The following INTS6L variants were observed in gnomAD, a reference collection of about 807,000 sequenced individuals.
INTS6L encodes the protein integrator complex subunit 6-like.
In INTS6L, 18 loss-of-function variants were observed where a neutral mutation model predicts 64.7. That is an observed-to-expected ratio of 0.28 (90% confidence interval 0.19 to 0.41). The LOEUF is 0.41. Among genes scored for constraint, INTS6L ranks in the 10% least tolerant of loss-of-function variants. The probability of loss-of-function intolerance (pLI) is 1.00; values close to 1 mark genes in which losing one functional copy is unlikely to be tolerated. For missense variants in INTS6L, 533 were observed against 661.0 expected (o/e 0.81, Z 2.12); for synonymous variants, 227 against 235.9 (o/e 0.96, Z 0.34).
chrX:135,581,386 G>C (rs2087367160), intron 17 of INTS6L, 142 bp from the exon 18 acceptor site: 1 of 511,495 alleles, frequency 2.0e-6, no homozygotes, highest in Non-Finnish European at 3.2e-6. Context: ...ATTGGTACTT[G>C]CTCTAAGACA....
In INTS6L at chrX:135,579,869, C is replaced by T; in HGVS notation, c.2201C>T (p.Ala734Val). Reference protein sequence around the residue: ...ITPDGFLSKSAPSELINMTGD... With the variant: ...ITPDGFLSKSVPSELINMTGD... The stretch of plus-strand genomic sequence containing the variant: ...CCTGATGGCTTCCTGTCAAAATCTG[C>T]TCCATCAGAGCTTATAAATATGACA... Residue 734 changes from alanine to valine, a missense_variant, in exon 16 of 18, where the codon GCT (alanine) becomes GTT (valine). Transcript: ENST00000639893. The T allele has an allele frequency of 8.3e-7, 1 of 1,211,125 alleles. No individual in the cohort carries two copies. The highest frequency in any genetic ancestry group is 1.1e-6 in the Non-Finnish European group (1 of 895,121).
chrX:135,546,228 T>C, intron 3 of INTS6L, 152 bp from the exon 4 acceptor site: 1 of 345,480 alleles, frequency 2.9e-6, no homozygotes, highest in Non-Finnish European at 5.0e-6. Flanking sequence ...GTTATTTTTA[T>C]TCCTACCCAT....
intron 9 of INTS6L, among the ~76,000 whole-genome samples, chrX:135,565,605 A>G (rs1258652174): frequency 9.0e-6 from 1 of 111,549 alleles, no homozygotes; most frequent in Non-Finnish European, 1.9e-5. Context: ...AGCCTATAAC[A>G]CTAAGACTCC....
At chrX:135,537,321 G>A (rs782166792) in intron 2 of INTS6L, among the ~76,000 whole-genome samples, 5 of 112,296 alleles carry the variant, frequency 4.5e-5, no homozygotes. Context: ...ACTTAAACCC[G>A]ATCTGAATTA....
chrX:135,528,453 C>T (rs2085801627), intron 2 of INTS6L, among the ~76,000 whole-genome samples: 1 of 111,128 alleles, frequency 9.0e-6, no homozygotes, highest in Non-Finnish European at 1.9e-5. Context: ...GTAAAGGCTC[C>T]GGCAGAGAGG....
intron 12 of INTS6L, 137 bp downstream of exon 12, chrX:135,573,170 G>T (rs974896422): frequency 9.7e-5 from 50 of 518,131 alleles, no homozygotes; most frequent in South Asian, 6.2e-4. Context: ...TTTAGGAATT[G>T]TCAGCAGATA....
At chrX:135,574,170 G>T in intron 13 of INTS6L, 108 bp downstream of exon 13, 1 of 848,249 alleles carries the variant, frequency 1.2e-6, no homozygotes, top group Non-Finnish European at 1.6e-6. Context: ...GTATTTTAAT[G>T]TTTAAAATGC....
At chrX:135,525,674 G>C (rs1451693214) in intron 2 of INTS6L, among the ~76,000 whole-genome samples, 1 of 112,125 alleles carries the variant, frequency 8.9e-6, no homozygotes. Flanking sequence ...TTTTAACTAA[G>C]ACATAACTTT....
chrX:135,558,381 CA>C (rs1392028295), intron 9 of INTS6L, among the ~76,000 whole-genome samples: 5 of 108,691 alleles, frequency 4.6e-5, no homozygotes, highest in African/African-American at 1.0e-4. Context: ...TCACAATAGC[CA>C]AAAAAAAATC....
intron 2 of INTS6L, among the ~76,000 whole-genome samples, chrX:135,526,387 G>A (rs1008526013): frequency 4.5e-5 from 5 of 111,135 alleles, no homozygotes; most frequent in Admixed American, 2.9e-4. Context: ...ATGTCTCTGC[G>A]CCCTCTCTTC....
At chrX:135,525,164 A>G (rs1231637542) in intron 2 of INTS6L, among the ~76,000 whole-genome samples, 4 of 112,139 alleles carry the variant, frequency 3.6e-5, no homozygotes, top group Non-Finnish European at 7.5e-5. Context: ...GCTGTCTTGT[A>G]TGTTTTGTTT....
chrX:135,569,239 C>T (rs2087029145), intron 9 of INTS6L, 98 bp from the exon 10 acceptor site: 2 of 449,944 alleles, frequency 4.4e-6, no homozygotes, highest in Non-Finnish European at 7.0e-6. Flanking sequence ...ATGAAATTTT[C>T]ATCTACATTA....
intron 2 of INTS6L, among the ~76,000 whole-genome samples, chrX:135,540,738 C>CTCT (rs782138881): frequency 6.4e-5 from 7 of 109,197 alleles, no homozygotes; most frequent in South Asian, 8.0e-4. Context: ...CCTCCTCCTC[C>CTCT]TCTTCCTCCC....
At chrX:135,548,203 C>G (rs1340800862) in intron 6 of INTS6L, among the ~76,000 whole-genome samples, 1 of 111,057 alleles carries the variant, frequency 9.0e-6, no homozygotes, top group Non-Finnish European at 1.9e-5. Flanking sequence ...GCAGTGGATC[C>G]TGTGGCTCCT....
intron 2 of INTS6L, 131 bp downstream of exon 2, chrX:135,521,449 G>A: frequency 1.5e-6 from 1 of 646,895 alleles, no homozygotes; most frequent in East Asian, 3.9e-5. Context: ...GTGCGCAGAG[G>A]GCGGGCGGAG....
intron 16 of INTS6L, among the ~76,000 whole-genome samples, chrX:135,580,804 A>G (rs1202050058): frequency 8.9e-6 from 1 of 112,809 alleles, no homozygotes; most frequent in Non-Finnish European, 1.9e-5. Context: ...AAGGTAATGT[A>G]TTCACAGGTT....
intron 2 of INTS6L, among the ~76,000 whole-genome samples, chrX:135,545,016 A>G (rs1419078189): frequency 8.9e-6 from 1 of 111,824 alleles, no homozygotes; most frequent in Non-Finnish European, 1.9e-5. Flanking sequence ...TGTAGCTCAG[A>G]CAGTCAATAT....
At chrX:135,526,792 C>A (rs1250141750) in intron 2 of INTS6L, among the ~76,000 whole-genome samples, 1 of 111,375 alleles carries the variant, frequency 9.0e-6, no homozygotes, top group Non-Finnish European at 1.9e-5. Flanking sequence ...ATGTACTCAA[C>A]AAATGGAAAA....
intron 2 of INTS6L, among the ~76,000 whole-genome samples, chrX:135,534,231 A>G (rs2085987291): frequency 9.2e-6 from 1 of 108,892 alleles, no homozygotes; most frequent in Admixed American, 1.0e-4. Flanking sequence ...CATACTAGAT[A>G]TTAATTTAAA....
Sources: allele counts gnomAD v4.1 joint callset (sites outside exome capture counted in the v4.1 genomes callset), GRCh38; gene constraint gnomAD v4.1.1; transcripts MANE v1.5; gene names NCBI Gene and HGNC (gene_info 2026-07-23, HGNC 2026-07-21).